LIPA: variants seen among roughly 807,000 people sequenced by gnomAD.
LIPA encodes lysosomal acid lipase/cholesteryl ester hydrolase.
A neutral mutation model predicts 40.6 loss-of-function variants in LIPA; 26 were observed. The ratio of observed to expected loss-of-function variants is 0.64; its 90% CI spans 0.47 to 0.89. The LOEUF is 0.89. LIPA is among the 40% of genes least tolerant of loss of function. The pLI, the probability that LIPA is intolerant of heterozygous loss-of-function variation, is 0.00. For missense variants in LIPA, 455 were observed against 479.6 expected (o/e 0.95, Z 0.48); for synonymous variants, 188 against 168.4 (o/e 1.12, Z -0.90).
chr10:89,286,615 T>C (rs921707638), intron 1 of LIPA, among the ~76,000 whole-genome samples: 5 of 152,226 alleles, frequency 3.3e-5, no homozygotes, highest in African/African-American at 9.6e-5. Context: ...GCCCAGTTCA[T>C]GGCTTGTTTG....
intron 1 of LIPA, chr10:89,340,324 C>T (rs570627761): frequency 1.6e-4 from 75 of 477,518 alleles, no homozygotes; most frequent in African/African-American, 1.2e-3. Flanking sequence ...TTTGGGAGGC[C>T]GAGGTGGGCG....
chr10:89,307,521 C>G (rs907464579), intron 1 of LIPA: 1 of 664,320 alleles, frequency 1.5e-6, no homozygotes. Context: ...GTTATGTTAA[C>G]ACCTGAATTG....
chr10:89,367,655 T>C (rs758518886), intron 2 of LIPA, among the ~76,000 whole-genome samples: 2 of 152,194 alleles, frequency 1.3e-5, no homozygotes, highest in African/African-American at 2.4e-5. Context: ...CCTTCACACC[T>C]TCCCCTGGTG....
intron 1 of LIPA, among the ~76,000 whole-genome samples, chr10:89,317,755 C>G (rs1376185940): frequency 2.0e-5 from 3 of 152,120 alleles, no homozygotes; most frequent in Non-Finnish European, 4.4e-5. Flanking sequence ...AATTCCAAGA[C>G]ACATAATTAG....
At chr10:89,283,888 T>C (rs1056586390) in intron 1 of LIPA, 1 of 152,168 alleles carries the variant, frequency 6.6e-6, no homozygotes. Context: ...CCTGCGACCA[T>C]GAGGTAAAGG....
intron 2 of LIPA, among the ~76,000 whole-genome samples, chr10:89,358,094 C>T (rs1219768271): frequency 6.6e-6 from 1 of 152,164 alleles, no homozygotes; most frequent in Admixed American, 6.5e-5. Flanking sequence ...ATACCTGTAA[C>T]TGCCTGCTGC....
chr10:89,251,582 A>T (rs1172006875), intron 1 of LIPA, among the ~76,000 whole-genome samples, 155 bp downstream of exon 1: 1 of 152,116 alleles, frequency 6.6e-6, no homozygotes, highest in African/African-American at 2.4e-5. Context: ...CCGCAGAAAA[A>T]GCACCCGCAG....
chr10:89,267,003 G>A (rs1455827954), intron 1 of LIPA, among the ~76,000 whole-genome samples: 2 of 152,140 alleles, frequency 1.3e-5, no homozygotes, highest in African/African-American at 4.8e-5. Context: ...ATAAGGTGTG[G>A]GTGGCTATGA....
At chr10:89,307,048 G>C (rs1412415670) in intron 1 of LIPA, 2 of 1,613,882 alleles carry the variant, frequency 1.2e-6, no homozygotes, top group Non-Finnish European at 1.7e-6. Flanking sequence ...TCAGTAAAGA[G>C]CTTACTCCTG....
At chr10:89,224,302 A>T (rs529169945) in intron 6 of LIPA, among the ~76,000 whole-genome samples, 39 of 152,164 alleles carry the variant, frequency 2.6e-4, no homozygotes, top group African/African-American at 4.8e-4. Context: ...GTTTTTTAAA[A>T]TTTTTTTTAT....
At chr10:89,350,519 A>T (rs1275815728) in intron 2 of LIPA, among the ~76,000 whole-genome samples, 1 of 151,876 alleles carries the variant, frequency 6.6e-6, no homozygotes, top group Non-Finnish European at 1.5e-5. Context: ...GTTGCCCAGG[A>T]TGGTCTCGAA....
At chr10:89,317,266 C>T (rs1286213906) in intron 1 of LIPA, among the ~76,000 whole-genome samples, 4 of 152,172 alleles carry the variant, frequency 2.6e-5, no homozygotes, top group Non-Finnish European at 5.9e-5. Flanking sequence ...TAACAAATTT[C>T]TTCGAGCTAA....
upstream of LIPA, among the ~76,000 whole-genome samples, chr10:89,343,304 A>C (rs1417508002): frequency 6.6e-6 from 1 of 152,210 alleles, no homozygotes; most frequent in Non-Finnish European, 1.5e-5. Flanking sequence ...TAATGGTAAT[A>C]GACTGGGTTC....
chr10:89,264,793 C>T (rs113053632), intron 1 of LIPA, among the ~76,000 whole-genome samples: 1,653 of 152,344 alleles, frequency 0.011, 40 homozygotes, highest in African/African-American at 0.038. Context: ...CCACCTGGAA[C>T]TGATAGGTTG....
At chr10:89,301,959 T>C (rs1160778641) in intron 1 of LIPA, 1 of 557,840 alleles carries the variant, frequency 1.8e-6, no homozygotes, top group African/African-American at 1.9e-5. Context: ...AGTTTCACTT[T>C]CCCTTTTGTA....
chr10:89,281,911 T>C (rs1843318224), intron 1 of LIPA, among the ~76,000 whole-genome samples: 2 of 152,244 alleles, frequency 1.3e-5, no homozygotes, highest in South Asian at 4.1e-4. Flanking sequence ...GGCTGAGATA[T>C]TCAACCCTGG....
At chr10:89,291,815 G>A (rs1020198557) in intron 1 of LIPA, among the ~76,000 whole-genome samples, 9 of 152,176 alleles carry the variant, frequency 5.9e-5, no homozygotes, top group Non-Finnish European at 1.0e-4. Flanking sequence ...ATATGAAGTC[G>A]TCACCAGGAA....
intron 1 of LIPA, chr10:89,284,142 A>C (rs776223381): frequency 2.0e-5 from 3 of 152,298 alleles, no homozygotes; most frequent in Non-Finnish European, 4.4e-5. Flanking sequence ...CCAGAGACGA[A>C]CGTCCCTCAT....
intron 1 of LIPA, chr10:89,328,066 G>A: frequency 1.9e-6 from 3 of 1,613,946 alleles, no homozygotes; most frequent in South Asian, 1.1e-5. Context: ...GAGACACAGA[G>A]GGCAGTCATG....
Sources: gnomAD v4.1 joint callset for allele counts (sites outside exome capture counted in the v4.1 genomes callset) on GRCh38, gnomAD v4.1.1 for gene constraint, MANE v1.5 for transcripts, NCBI Gene and HGNC (gene_info 2026-07-23, HGNC 2026-07-21) for gene names.